The following VDR variants were observed in gnomAD, a reference collection of about 807,000 sequenced individuals.
VDR encodes vitamin D receptor.
A neutral mutation model predicts 39.7 loss-of-function variants in VDR; 19 were observed. That is an observed-to-expected ratio of 0.48 (90% CI 0.33 to 0.70). VDR has a LOEUF of 0.70. Among genes scored for constraint, VDR ranks in the 30% least tolerant of loss-of-function variants. The pLI, the probability that VDR is intolerant of heterozygous loss-of-function variation, is 0.02. For synonymous variants in VDR, 242 were observed against 215.8 expected (o/e 1.12, Z -1.07); for missense variants, 442 against 570.5 (o/e 0.77, Z 2.29).
intron 3 of VDR, among the ~76,000 whole-genome samples, chr12:47,866,391 G>T (rs1235963210): frequency 2.6e-5 from 4 of 152,230 alleles, no homozygotes; most frequent in Non-Finnish European, 4.4e-5. Context: ...CACTGTGCCT[G>T]GCCGAAGAAA....
At chr12:47,883,545 G>C (rs1946199599) in intron 1 of VDR, among the ~76,000 whole-genome samples, 1 of 152,142 alleles carries the variant, frequency 6.6e-6, no homozygotes, top group Non-Finnish European at 1.5e-5. Flanking sequence ...AGGAGGGATG[G>C]GCAGAATAGT....
chr12:47,859,901 C>T (rs1945580169), intron 4 of VDR, among the ~76,000 whole-genome samples: 5 of 45,212 alleles, frequency 1.1e-4, no homozygotes, highest in Non-Finnish European at 2.0e-4. Flanking sequence ...TTCCTTCCTT[C>T]CTTCCTTCCT....
chr12:47,860,009 C>T (rs1592110993), intron 4 of VDR, among the ~76,000 whole-genome samples: 1 of 149,990 alleles, frequency 6.7e-6, no homozygotes, highest in African/African-American at 2.5e-5. Context: ...ATTATCCAGG[C>T]TGGAGTGCAG....
intron 4 of VDR, among the ~76,000 whole-genome samples, chr12:47,858,315 G>A (rs1945539585): frequency 6.6e-6 from 1 of 152,216 alleles, no homozygotes; most frequent in African/African-American, 2.4e-5. Context: ...ACTCCTCTAT[G>A]TGGCTGTCTC....
chr12:47,882,636 A>ACCC, intron 2 of VDR, 58 bp downstream of exon 2: 8 of 266,076 alleles, frequency 3.0e-5, no homozygotes, highest in Admixed American at 6.2e-5. Context: ...CCTCCCCCCC[A>ACCC]CCCCGCCCCT....
chr12:47,871,355 T>G (rs942577993), intron 3 of VDR, among the ~76,000 whole-genome samples: 1 of 146,526 alleles, frequency 6.8e-6, no homozygotes. Flanking sequence ...TCTTTCTTTC[T>G]TTCCTTTCTC....
At chr12:47,864,700 A>T (rs1413001962) in intron 4 of VDR, among the ~76,000 whole-genome samples, 1 of 152,238 alleles carries the variant, frequency 6.6e-6, no homozygotes, top group Non-Finnish European at 1.5e-5. Context: ...CTGTGAAAAA[A>T]GAATGACATC....
chr12:47,882,672 C>T (rs753733269), intron 2 of VDR, 22 bp downstream of exon 2: 12 of 889,044 alleles, frequency 1.3e-5, no homozygotes, highest in Non-Finnish European at 1.8e-5. Flanking sequence ...AGGGAAGTTG[C>T]GGCTGATGAG....
At chr12:47,879,537 C>T (rs951955624) in intron 2 of VDR, among the ~76,000 whole-genome samples, 1 of 152,334 alleles carries the variant, frequency 6.6e-6, no homozygotes, top group African/African-American at 2.4e-5. Context: ...GGGCTTCTAT[C>T]CTGCCCAACG....
intron 2 of VDR, 23 bp from the exon 3 acceptor site, chr12:47,879,138 A>G (rs772593227): frequency 2.5e-6 from 4 of 1,611,664 alleles, no homozygotes; most frequent in Middle Eastern, 1.7e-4. Flanking sequence ...CAAGCAGGCC[A>G]CGGTCAGAGC....
rs1946242850 is a variant in VDR at position 47,885,818 on chromosome 12, C to G, written c.-83-3044G>C. On this transcript the variant is annotated intron_variant, in intron 1 of 9. Transcript: ENST00000549336. ...CTCAAGCAATCTTCCACCTCAGCTT[C>G]TCAAGTAGCTGGGGTTACAGGTGTG... Among the ~76,000 whole-genome samples, 3 of 152,208 alleles carry G rather than the reference C, an allele frequency of 2.0e-5. No homozygotes were observed. In the South Asian group the frequency reaches 6.2e-4, roughly 31 times the overall value.
At chr12:47,902,708 C>T (rs533178180) in intron 1 of VDR, among the ~76,000 whole-genome samples, 3 of 152,316 alleles carry the variant, frequency 2.0e-5, no homozygotes, top group South Asian at 2.1e-4. Context: ...CAGGCAACAG[C>T]GAGTTTCTAG....
rs60600684 is a variant in VDR at position 47,887,158 on chromosome 12, G to GA, written c.-83-4385dup. ...GAAACCCTGTCTCTACTAAAAAAAA[G>GA]AAAAAATACAAAAATTAGCCGGCTT... is the stretch of plus-strand genomic sequence containing the variant. On this transcript the variant is annotated intron_variant, in intron 1 of 9. Coordinates refer to ENST00000549336, the MANE Select transcript of VDR (RefSeq NM_000376.3). Among the ~76,000 whole-genome samples the GA allele has an allele frequency of 2.0e-3, 307 of 151,752 alleles. 2 individuals carry two copies. Among genetic ancestry groups the GA allele is most frequent in the Admixed American group, 0.013 (193 of 15,226 alleles).
chr12:47,903,116 T>A (rs565421579), intron 1 of VDR, among the ~76,000 whole-genome samples: 2 of 152,218 alleles, frequency 1.3e-5, no homozygotes, highest in African/African-American at 2.4e-5. Context: ...GAGTAAAGGG[T>A]TGGGAAGGCT....
intron 2 of VDR, among the ~76,000 whole-genome samples, chr12:47,882,181 G>A (rs776720459): frequency 2.0e-5 from 3 of 152,168 alleles, no homozygotes; most frequent in Non-Finnish European, 2.9e-5. Context: ...TATGCTGGGG[G>A]TGAAGGCTGG....
intron 3 of VDR, among the ~76,000 whole-genome samples, chr12:47,871,379 T>C (rs117572434): frequency 0.3 from 39,647 of 134,200 alleles, 6,892 homozygotes; most frequent in East Asian, 0.71. Flanking sequence ...CTCTCTCTCT[T>C]CCTTCCTTCC....
At chr12:47,889,520 A>T (rs1372095771) in intron 1 of VDR, among the ~76,000 whole-genome samples, 1 of 152,220 alleles carries the variant, frequency 6.6e-6, no homozygotes, top group Non-Finnish European at 1.5e-5. Context: ...AAAGACATGA[A>T]CAAGAACTCA....
At chr12:47,880,664 G>A (rs2137207407) in intron 2 of VDR, among the ~76,000 whole-genome samples, 1 of 152,070 alleles carries the variant, frequency 6.6e-6, no homozygotes, top group South Asian at 2.1e-4. Flanking sequence ...TTCTTTTCCT[G>A]GAAACCTTAA....
At chr12:47,848,785 T>C (rs1945329791) in intron 7 of VDR, among the ~76,000 whole-genome samples, 1 of 152,062 alleles carries the variant, frequency 6.6e-6, no homozygotes. Context: ...CAGGCTGGTC[T>C]CGAACTCCTG....
Sources: allele counts gnomAD v4.1 joint callset (sites outside exome capture counted in the v4.1 genomes callset), GRCh38; gene constraint gnomAD v4.1.1; transcripts MANE v1.5; gene names NCBI Gene and HGNC (gene_info 2026-07-23, HGNC 2026-07-21).